TBX1: variants seen among roughly 807,000 people sequenced by gnomAD.
TBX1 encodes the protein T-box transcription factor TBX1.
TBX1 carries 16 observed loss-of-function variants against 40.8 expected under a neutral mutation model. That is an observed-to-expected ratio of 0.39 (90% CI 0.27 to 0.60). TBX1 has a LOEUF of 0.60. TBX1 is among the 20% of genes least tolerant of loss of function. The probability of loss-of-function intolerance (pLI) is 0.51; values close to 1 mark genes in which losing one functional copy is unlikely to be tolerated. For synonymous variants in TBX1, 403 were observed against 336.8 expected, an observed-to-expected ratio of 1.20 and a Z score of -2.15; for missense variants, 755 against 728.5, an observed-to-expected ratio of 1.04 and a Z score of -0.42.
intron 8 of TBX1, among the ~76,000 whole-genome samples, chr22:19,772,391 G>A (rs1420153914): frequency 3.9e-5 from 6 of 152,110 alleles, no homozygotes; most frequent in African/African-American, 1.2e-4. Context: ...CTGTAGCCTC[G>A]AACTCCGGGG....
chr22:19,758,509 C>A (rs933406288), upstream of TBX1, among the ~76,000 whole-genome samples: 1 of 152,196 alleles, frequency 6.6e-6, no homozygotes, highest in Admixed American at 6.5e-5. Flanking sequence ...GGCAGAGCGG[C>A]GGGCCTCGGC....
chr22:19,769,210 C>G (rs1936947575), downstream of TBX1, among the ~76,000 whole-genome samples: 1 of 152,176 alleles, frequency 6.6e-6, no homozygotes, highest in South Asian at 2.1e-4. Context: ...ACCCGCCTGC[C>G]TTGGTCTTCC....
chr22:19,764,650 G>A (rs1210078080), intron 3 of TBX1, among the ~76,000 whole-genome samples: 1 of 152,224 alleles, frequency 6.6e-6, no homozygotes, highest in African/African-American at 2.4e-5. Flanking sequence ...GGAAAAGATG[G>A]GGCCCTGCAA....
chr22:19,767,145 C>A lies in TBX1; in HGVS notation c.*278C>A, dbSNP rs551038678. 3.9e-4 allele frequency: 480 copies of A among 1,242,416 alleles called. No homozygotes were observed. The highest frequency in any genetic ancestry group is 1.9e-3 in the Middle Eastern group (6 of 3,148). 77.0% of individuals were successfully genotyped at this position (1,242,416 alleles called of 1,614,324 possible). A position where few individuals can be genotyped will look rare whatever the true frequency, so the allele number is the denominator to read the frequency against. On this transcript the variant is annotated 3_prime_UTR_variant, in exon 7 of 7. Transcript: ENST00000649276. Reference sequence around the variant, plus strand: ...CCCCGCCCGCCAGTGCCAAAGCGCCCGGTCGGAGGCGGAAGGAAGTGATAT... The same window carrying A: ...CCCCGCCCGCCAGTGCCAAAGCGCCAGGTCGGAGGCGGAAGGAAGTGATAT...
At chr22:19,775,714 C>G (rs1419160041) in intron 8 of TBX1, among the ~76,000 whole-genome samples, 1 of 152,198 alleles carries the variant, frequency 6.6e-6, no homozygotes, top group African/African-American at 2.4e-5. Context: ...TCTGAAGGAG[C>G]TAGTGGTGGG....
chr22:19,780,788 G>GTTT (rs58810923), downstream of TBX1, among the ~76,000 whole-genome samples: 2 of 130,758 alleles, frequency 1.5e-5, no homozygotes, highest in Admixed American at 8.3e-5. Context: ...TTTTTTTTTT[G>GTTT]TTTTTTTTTT....
downstream of TBX1, among the ~76,000 whole-genome samples, chr22:19,768,123 C>T (rs1936920903): frequency 6.6e-6 from 1 of 152,206 alleles, no homozygotes; most frequent in Non-Finnish European, 1.5e-5. Flanking sequence ...AGCCGGTCAG[C>T]GCCAAGGCTG....
downstream of TBX1, among the ~76,000 whole-genome samples, chr22:19,767,587 C>T (rs375194670): frequency 3.9e-5 from 6 of 152,342 alleles, no homozygotes; most frequent in South Asian, 1.0e-3. Flanking sequence ...ACCTTCCCAC[C>T]GTCCCGTCTC....
At chr22:19,761,665 C>CTA (rs1936670819) in intron 1 of TBX1, among the ~76,000 whole-genome samples, 2 of 152,214 alleles carry the variant, frequency 1.3e-5, no homozygotes, top group African/African-American at 4.8e-5. Context: ...ACCGCCCGGC[C>CTA]GACTCCTAGT....
At chr22:19,766,032 C>T (rs1342979923) in intron 6 of TBX1, 30 bp downstream of exon 6, 4 of 1,465,992 alleles carry the variant, frequency 2.7e-6, no homozygotes, top group East Asian at 5.9e-5. Flanking sequence ...ATCCGGGTTC[C>T]GGCCCTGTGC....
intron 3 of TBX1, 69 bp downstream of exon 3, chr22:19,764,395 T>G (rs558718486): frequency 6.6e-5 from 105 of 1,587,456 alleles, no homozygotes; most frequent in Middle Eastern, 3.3e-4. Context: ...CGCCTGTCCC[T>G]AAGAGGCCTG....
chr22:19,774,685 A>G (rs1937038633), intron 8 of TBX1, among the ~76,000 whole-genome samples: 1 of 152,174 alleles, frequency 6.6e-6, no homozygotes, highest in African/African-American at 2.4e-5. Flanking sequence ...ATGAACCCTG[A>G]GGTCCTTATG....
Position 19,760,897 on chromosome 22 carries a change from C to T in TBX1, c.54C>T (p.Asp18=). Residue 18 remains aspartate (D), a synonymous_variant, in exon 1 of 7, where the codon GAC becomes GAT. Coordinates refer to ENST00000649276, the MANE Select transcript of TBX1 (RefSeq NM_001379200.1). The stretch of plus-strand genomic sequence containing the variant: ...TCACGCAGCTCTCGCATTTCTGCGA[C>T]GTTGCAGCCTTCACGGCCAGCAGCC... ...PWLTQLSHFC[D]VAAFTASSLS... is the part of the protein sequence containing the mutation. The T allele has an allele frequency of 9.5e-7, 1 of 1,057,940 alleles. No homozygotes were observed. Among genetic ancestry groups the T allele is most frequent in the Non-Finnish European group, 1.2e-6 (1 of 866,930 alleles). 65.5% of individuals were successfully genotyped at this position (1,057,940 alleles called of 1,614,324 possible).
chr22:19,775,040 A>G (rs773238910), intron 8 of TBX1, among the ~76,000 whole-genome samples: 26 of 152,090 alleles, frequency 1.7e-4, no homozygotes, highest in Admixed American at 4.6e-4. Flanking sequence ...CGGCCTCCCA[A>G]AGTGCTGGGA....
Position 19,761,266 on chromosome 22 carries a change from C to A in TBX1, c.423C>A (p.Val141=). The A allele has an allele frequency of 6.4e-7, 1 of 1,561,880 alleles. No individual in the cohort carries two copies. The highest frequency in any genetic ancestry group is 2.5e-5 in the East Asian group (1 of 40,066). Residue 141 remains valine, a synonymous_variant, in exon 1 of 7, where the codon GTC becomes GTA. Transcript: ENST00000649276. ...ACCAGCTGGGCACCGAGATGATCGT[C>A]ACCAAGGCCGGCAGGTCAGGGCGCC... ...EFNQLGTEMI[V]TKAGRRMFPT...
chr22:19,768,761 A>G (rs1936934395), downstream of TBX1, among the ~76,000 whole-genome samples: 2 of 151,972 alleles, frequency 1.3e-5, no homozygotes. Context: ...TAAAGGGAGG[A>G]AAAGCCCTCC....
rs908814837 is a variant in TBX1, at chr22:19,761,101, G to C, written c.258G>C (p.Gly86=). Reference sequence around the variant, plus strand: ...CCTACCCGTTTGCGCCGGCCGCCGGGGCCGCCACCAGCGCCGCCGCCGAGC... The same window carrying C: ...CCTACCCGTTTGCGCCGGCCGCCGGCGCCGCCACCAGCGCCGCCGCCGAGC... ...PHAYPFAPAA[G]AATSAAAEPE... The change falls in exon 1 of 7, where the codon GGG becomes GGC. Residue 86 remains glycine, a synonymous_variant. Transcript: ENST00000649276. 6.0e-6 allele frequency: 7 copies of C among 1,161,858 alleles called. No homozygotes were observed. In the African/African-American group the frequency reaches 1.2e-4, roughly 19 times the overall value. The allele number at this position is 1,161,858 out of a possible 1,614,324, so 72.0% of individuals were successfully genotyped here.
chr22:19,761,607 C>T lies in TBX1; in HGVS notation c.437+327C>T, dbSNP rs191153123. On this transcript the variant is annotated intron_variant, in intron 1 of 6. Coordinates refer to ENST00000649276, the MANE Select transcript of TBX1 (RefSeq NM_001379200.1). The stretch of plus-strand genomic sequence containing the variant: ...CCGCGCGGCCCAGAAACCGGCCCGG[C>T]TTGGGGCGCACCCGGCTGGGGGCAG... Among the ~76,000 whole-genome samples the T allele has an allele frequency of 4.2e-3, 646 of 152,152 alleles. 3 individuals carry two copies. The highest frequency in any genetic ancestry group is 0.022 in the South Asian group (104 of 4,834).
At position 19,761,191 on chromosome 22, in the gene TBX1, G is replaced by A. The variant is rs148928907; in HGVS notation, c.348G>A (p.Val116=). 1,406 of 1,550,798 alleles carry A rather than the reference G, an allele frequency of 9.1e-4. 2 individuals carry two copies. Among genetic ancestry groups the A allele is most frequent in the Non-Finnish European group, 1.1e-3 (1,267 of 1,146,726 alleles). The part of the protein sequence containing the change: ...AKAPVKKNAK[V]AGVSVQLEMK... ...CGCCGGTGAAGAAGAACGCGAAGGT[G>A]GCCGGTGTGAGCGTGCAGCTAGAGA... Residue 116 remains valine, a synonymous_variant, in exon 1 of 7, where the codon GTG becomes GTA. Transcript: ENST00000649276.
Sources: allele counts gnomAD v4.1 joint callset (sites outside exome capture counted in the v4.1 genomes callset), GRCh38; gene constraint gnomAD v4.1.1; transcripts MANE v1.5; gene names NCBI Gene and HGNC (gene_info 2026-07-23, HGNC 2026-07-21).